SCD5: variants seen among roughly 807,000 people sequenced by gnomAD.
The protein encoded by SCD5 is acyl-CoA-desaturase 4.
SCD5 carries 20 observed loss-of-function variants against 30.4 expected under a neutral mutation model. That is an observed-to-expected ratio of 0.66 (90% CI 0.46 to 0.96). SCD5 has a LOEUF of 0.96. SCD5 is among the 40% of genes least tolerant of loss of function. The pLI is 0.00. For synonymous variants in SCD5, 173 were observed against 176.4 expected (o/e 0.98, Z 0.16); for missense variants, 381 against 443.3 (o/e 0.86, Z 1.26).
chr4:82,735,661 A>C (rs947099741), intron 1 of SCD5, among the ~76,000 whole-genome samples: 1 of 152,224 alleles, frequency 6.6e-6, no homozygotes, highest in East Asian at 1.9e-4. Flanking sequence ...TACCCACCAC[A>C]TGACTGCTGT....
At chr4:82,638,941 A>AAAT (rs970169824) in intron 3 of SCD5, among the ~76,000 whole-genome samples, 3 of 152,230 alleles carry the variant, frequency 2.0e-5, no homozygotes, top group African/African-American at 7.2e-5. Context: ...ACAGATAGGG[A>AAAT]AATAGAGCAA....
intron 1 of SCD5, among the ~76,000 whole-genome samples, chr4:82,792,547 CA>C (rs1303590944): frequency 6.6e-6 from 1 of 152,050 alleles, no homozygotes; most frequent in Non-Finnish European, 1.5e-5. Flanking sequence ...CCCATCTCTA[CA>C]AAAAACCAAC....
At chr4:82,691,545 T>C (rs902133681) in intron 2 of SCD5, among the ~76,000 whole-genome samples, 3 of 152,136 alleles carry the variant, frequency 2.0e-5, no homozygotes, top group Admixed American at 2.0e-4. Flanking sequence ...CTGGTCTTTG[T>C]GCCTGGTTCT....
chr4:82,680,969 C>T, intron 2 of SCD5, 57 bp from the exon 3 acceptor site: 1 of 1,519,586 alleles, frequency 6.6e-7, no homozygotes, highest in East Asian at 2.3e-5. Flanking sequence ...GAGCATCCTC[C>T]TGGGAAGCTT....
chr4:82,638,356 G>A (rs1578000144), intron 3 of SCD5, among the ~76,000 whole-genome samples: 1 of 151,962 alleles, frequency 6.6e-6, no homozygotes, highest in African/African-American at 2.4e-5. Flanking sequence ...GAGCTCCATT[G>A]ACAGGCATGG....
At chr4:82,778,500 CT>C (rs1721800767) in intron 1 of SCD5, among the ~76,000 whole-genome samples, 1 of 152,210 alleles carries the variant, frequency 6.6e-6, no homozygotes, top group Non-Finnish European at 1.5e-5. Context: ...TGGAAGGTCC[CT>C]ACAAGGGCCG....
At chr4:82,677,484 A>G (rs1234309485) in intron 3 of SCD5, among the ~76,000 whole-genome samples, 3 of 152,134 alleles carry the variant, frequency 2.0e-5, no homozygotes, top group African/African-American at 7.2e-5. Context: ...CCCACATATA[A>G]TGACTTTGAT....
chr4:82,764,386 T>C (rs538103133), intron 1 of SCD5, among the ~76,000 whole-genome samples: 5 of 152,234 alleles, frequency 3.3e-5, no homozygotes, highest in African/African-American at 9.6e-5. Context: ...TTTCTTTTTG[T>C]CTAATTGTTC....
chr4:82,712,204 G>A (rs1217475751), intron 1 of SCD5, among the ~76,000 whole-genome samples: 1 of 124,222 alleles, frequency 8.1e-6, no homozygotes, highest in Non-Finnish European at 1.6e-5. Context: ...CCCAGCCCAA[G>A]AGATTCTGAC....
intron 1 of SCD5, among the ~76,000 whole-genome samples, chr4:82,793,586 CT>C (rs1023412581): frequency 2.6e-5 from 4 of 152,160 alleles, no homozygotes; most frequent in East Asian, 1.9e-4. Flanking sequence ...TGCCGGAAGA[CT>C]TTTTTTTCTT....
intron 3 of SCD5, among the ~76,000 whole-genome samples, chr4:82,641,853 G>A (rs1727553510): frequency 1.3e-5 from 2 of 152,142 alleles, no homozygotes; most frequent in African/African-American, 2.4e-5. Context: ...CCATGTTAGA[G>A]AGAAAGAGTG....
At chr4:82,793,370 A>G (rs1419950904) in intron 1 of SCD5, among the ~76,000 whole-genome samples, 1 of 152,206 alleles carries the variant, frequency 6.6e-6, no homozygotes, top group African/African-American at 2.4e-5. Context: ...CCCAGCTACA[A>G]AACAATGATC....
At chr4:82,662,632 G>A (rs1410261398) in intron 3 of SCD5, among the ~76,000 whole-genome samples, 6 of 151,906 alleles carry the variant, frequency 3.9e-5, no homozygotes, top group Admixed American at 2.6e-4. Flanking sequence ...GGCTGAGGTA[G>A]GTGGATCACC....
chr4:82,647,123 C>A (rs968113555), intron 3 of SCD5, among the ~76,000 whole-genome samples: 17 of 152,176 alleles, frequency 1.1e-4, no homozygotes, highest in African/African-American at 4.1e-4. Context: ...CCACACTCAG[C>A]CATCTCTACT....
intron 2 of SCD5, among the ~76,000 whole-genome samples, chr4:82,689,845 C>A (rs1728793463): frequency 6.6e-6 from 1 of 152,138 alleles, no homozygotes; most frequent in South Asian, 2.1e-4. Flanking sequence ...TGTCATGTGC[C>A]TCTTTTTCAA....
chr4:82,664,180 AG>A (rs1182785352), intron 3 of SCD5, among the ~76,000 whole-genome samples: 3 of 152,196 alleles, frequency 2.0e-5, no homozygotes, highest in Non-Finnish European at 4.4e-5. Context: ...CTGGCACATC[AG>A]GCTCTAAGCA....
chr4:82,667,280 A>ACG (rs1036045585), intron 3 of SCD5, among the ~76,000 whole-genome samples: 14 of 144,096 alleles, frequency 9.7e-5, no homozygotes, highest in South Asian at 2.1e-4. Flanking sequence ...ACACACACAC[A>ACG]CACACACGCA....
chr4:82,694,998 T>TA (rs1441522197), intron 2 of SCD5, among the ~76,000 whole-genome samples: 1 of 152,216 alleles, frequency 6.6e-6, no homozygotes, highest in African/African-American at 2.4e-5. Flanking sequence ...GAAGTACAGG[T>TA]AGCCTGGGGA....
rs3047047 is a variant in SCD5, at chr4:82,665,045, C to CACACATAT, written c.569+15661_569+15662insATATGTGT. On this transcript the variant is annotated intron_variant, in intron 3 of 4. Transcript: ENST00000319540. Reference sequence around the variant, plus strand: ...TGTATAATACACACACACACACACACATATATACACACACACATATATATA... The same window carrying CACACATAT: ...TGTATAATACACACACACACACACACACACATATATATATACACACACACATATATATA... Among the ~76,000 whole-genome samples the CACACATAT allele has an allele frequency of 3.2e-4, 38 of 118,036 alleles. 2 individuals are homozygous for CACACATAT. Among genetic ancestry groups the CACACATAT allele is most frequent in the African/African-American group, 1.4e-3 (37 of 25,660 alleles). The allele number at this position is 118,036 out of a possible 152,430, so 77.4% of individuals were successfully genotyped here.
Sources: allele counts gnomAD v4.1 joint callset (sites outside exome capture counted in the v4.1 genomes callset), GRCh38; gene constraint gnomAD v4.1.1; transcripts MANE v1.5; gene names NCBI Gene and HGNC (gene_info 2026-07-23, HGNC 2026-07-21).